The following ITPK1 variants were observed in gnomAD, a reference collection of about 807,000 sequenced individuals.
The protein encoded by ITPK1 is inositol 1,3,4-trisphosphate 5/6-kinase.
In ITPK1, 21 loss-of-function variants were observed where a neutral mutation model predicts 45.3. The observed-to-expected ratio is 0.46, with a 90% CI of 0.33 to 0.67. The LOEUF (loss-of-function observed/expected upper bound fraction) is 0.67. Among genes scored for constraint, ITPK1 ranks in the 30% least tolerant of loss-of-function variants. The probability of loss-of-function intolerance (pLI) is 0.02; values close to 1 mark genes in which losing one functional copy is unlikely to be tolerated. For missense variants in ITPK1, 474 were observed against 573.5 expected, an observed-to-expected ratio of 0.83 and a Z score of 1.77; for synonymous variants, 258 against 253.6, an observed-to-expected ratio of 1.02 and a Z score of -0.16.
At chr14:93,096,943 C>CA (rs1185870248) in intron 2 of ITPK1, among the ~76,000 whole-genome samples, 1 of 152,196 alleles carries the variant, frequency 6.6e-6, no homozygotes, top group Non-Finnish European at 1.5e-5. Flanking sequence ...CCTCTGTAAG[C>CA]AAAAGCCAAG....
At chr14:93,077,609 C>T (rs909218942) in intron 2 of ITPK1, among the ~76,000 whole-genome samples, 3 of 152,186 alleles carry the variant, frequency 2.0e-5, no homozygotes, top group Non-Finnish European at 4.4e-5. Flanking sequence ...CGAGCCACCA[C>T]GTCCAGCCTC....
At position 93,016,781 on chromosome 14, in the gene ITPK1, G is replaced by A. The variant is rs773167369; in HGVS notation, c.141C>T (p.Ile47=). ...EVVQLNLSRP[I]EEQGPLDVII... is the part of the protein sequence containing the mutation. The stretch of plus-strand genomic sequence containing the variant: ...TGACGTCCAGGGGGCCCTGCTCCTC[G>A]ATCGGCCGGCTAAGGTTCAGCTGTG... Residue 47 remains isoleucine (I), a synonymous_variant, in exon 4 of 11, where the codon ATC becomes ATT. Coordinates refer to ENST00000267615, the MANE Select transcript of ITPK1 (RefSeq NM_014216.6). This position sits in a 1 kb window ranked among gnomAD's most constrained non-coding sequence, Gnocchi z 5.0. The A allele has an allele frequency of 3.1e-6, 5 of 1,614,004 alleles. No individual in the cohort carries two copies. Among genetic ancestry groups the A allele is most frequent in the South Asian group, 2.2e-5 (2 of 91,072 alleles).
At chr14:93,011,231 C>T (rs1887887318) in intron 4 of ITPK1, among the ~76,000 whole-genome samples, 1 of 152,212 alleles carries the variant, frequency 6.6e-6, no homozygotes, top group Non-Finnish European at 1.5e-5. Context: ...TTTCAGGCTG[C>T]AAAGCTGTAG....
chr14:93,102,904 T>C (rs1157447216), intron 2 of ITPK1, among the ~76,000 whole-genome samples: 1 of 148,894 alleles, frequency 6.7e-6, no homozygotes, highest in Non-Finnish European at 1.5e-5. Context: ...ATCGAGACCA[T>C]CCTGGCTAAC....
In ITPK1 at chr14:92,952,076, C is replaced by G. The variant is rs878906735; in HGVS notation, c.671-63G>C. The stretch of plus-strand genomic sequence containing the variant: ...CAATGCAGGGACCACACTGCCGCCA[C>G]CTGACACCAGGGGGCAGCATCACCC... On this transcript the variant is annotated intron_variant, in intron 8 of 10. Coordinates refer to ENST00000267615, the MANE Select transcript of ITPK1 (RefSeq NM_014216.6). The G allele has an allele frequency of 2.3e-6, 3 of 1,317,538 alleles. No individual in the cohort carries two copies. In the African/African-American group the frequency reaches 4.4e-5, roughly 19 times the overall value. 81.6% of individuals were successfully genotyped at this position (1,317,538 alleles called of 1,614,324 possible). A position where few individuals can be genotyped will look rare whatever the true frequency, so the allele number is the denominator to read the frequency against.
intron 9 of ITPK1, among the ~76,000 whole-genome samples, chr14:92,946,978 GAGA>G (rs977166653): frequency 9.9e-5 from 15 of 152,230 alleles, no homozygotes; most frequent in African/African-American, 3.4e-4. Flanking sequence ...GGAGGGGTGG[GAGA>G]AGGAGAGCGG....
chr14:92,966,679 C>T (rs1045484101), intron 5 of ITPK1, among the ~76,000 whole-genome samples: 1 of 152,206 alleles, frequency 6.6e-6, no homozygotes, highest in Admixed American at 6.5e-5. Context: ...CTCACACTTC[C>T]TCAATACGAA....
chr14:93,007,335 C>T (rs1887666695), intron 4 of ITPK1, among the ~76,000 whole-genome samples: 1 of 152,166 alleles, frequency 6.6e-6, no homozygotes, highest in African/African-American at 2.4e-5. Context: ...GACATGCCTG[C>T]TGGAGCCCCA....
intron 4 of ITPK1, among the ~76,000 whole-genome samples, chr14:92,996,297 G>A (rs1887052857): frequency 2.0e-5 from 3 of 152,022 alleles, no homozygotes. Context: ...CATCCACTCA[G>A]CTAGAAACCA....
intron 2 of ITPK1, among the ~76,000 whole-genome samples, chr14:93,082,504 C>T (rs1891478120): frequency 6.6e-6 from 1 of 152,208 alleles, no homozygotes; most frequent in South Asian, 2.1e-4. Flanking sequence ...AGAACTCATC[C>T]CACACGGGCT....
chr14:92,944,765 C>G (rs1269757323), intron 10 of ITPK1, among the ~76,000 whole-genome samples: 1 of 152,206 alleles, frequency 6.6e-6, no homozygotes, highest in Admixed American at 6.5e-5. Context: ...TCCCTCATAC[C>G]TGCCAGCAAA....
At chr14:93,109,908 G>C (rs1892676509) in intron 2 of ITPK1, among the ~76,000 whole-genome samples, 1 of 152,188 alleles carries the variant, frequency 6.6e-6, no homozygotes, top group Non-Finnish European at 1.5e-5. Context: ...TGAATAGAGA[G>C]GCATCCATGG....
At position 93,034,506 on chromosome 14, in the gene ITPK1, G is replaced by A. The variant is rs529464235; in HGVS notation, c.121-17705C>T. Reference sequence around the variant, plus strand: ...CTCTCCAAGAATAGAATGGGGAGGCGGGCTCCACCACAGCTGGCCCCCACT... The same window carrying A: ...CTCTCCAAGAATAGAATGGGGAGGCAGGCTCCACCACAGCTGGCCCCCACT... On this transcript the variant is annotated intron_variant, in intron 3 of 10. Coordinates refer to ENST00000267615, the MANE Select transcript of ITPK1 (RefSeq NM_014216.6). This position sits in a 1 kb window ranked among gnomAD's most constrained non-coding sequence, Gnocchi z 4.1. Among the ~76,000 whole-genome samples, 14 of 152,144 alleles carry A rather than the reference G, an allele frequency of 9.2e-5. No homozygotes were observed. The highest frequency in any genetic ancestry group is 2.1e-4 in the South Asian group (1 of 4,830).
At position 92,941,220 on chromosome 14, in the gene ITPK1, A is replaced by G. The variant is rs1042977892; in HGVS notation, c.*341T>C. 2.3e-6 allele frequency: 3 copies of G among 1,297,000 alleles called. No homozygotes were observed. The African/African-American group carries it at 4.5e-5, about 20-fold the overall frequency. 80.3% of individuals were successfully genotyped at this position (1,297,000 alleles called of 1,614,324 possible). On this transcript the variant is annotated 3_prime_UTR_variant, in exon 11 of 11. Coordinates refer to ENST00000267615, the MANE Select transcript of ITPK1 (RefSeq NM_014216.6). ...ACAGTGGCCATGGAGACCAACAGAC[A>G]GGGATGTGCACAGACACTGGCATGG...
intron 2 of ITPK1, among the ~76,000 whole-genome samples, chr14:93,112,272 T>C (rs1566792376): frequency 6.6e-6 from 1 of 152,106 alleles, no homozygotes; most frequent in African/African-American, 2.4e-5. Context: ...CCCCCTCTCT[T>C]GATGGGTTTC....
chr14:92,983,322 T>C (rs1886321369), intron 5 of ITPK1, among the ~76,000 whole-genome samples: 2 of 152,174 alleles, frequency 1.3e-5, no homozygotes, highest in South Asian at 4.1e-4. Context: ...GGCAGCCTTT[T>C]TTACTTTCAA....
chr14:93,010,253 C>T (rs1488085467), intron 4 of ITPK1, among the ~76,000 whole-genome samples: 3 of 152,216 alleles, frequency 2.0e-5, no homozygotes, highest in African/African-American at 4.8e-5. Flanking sequence ...TCTTCCAAGT[C>T]GGACTCGAAC....
chr14:92,955,214 T>C (rs1884634599), intron 8 of ITPK1, among the ~76,000 whole-genome samples: 1 of 152,238 alleles, frequency 6.6e-6, no homozygotes, highest in Non-Finnish European at 1.5e-5. Context: ...CATTTACATA[T>C]CTACAGCTGC....
At chr14:93,058,112 A>C (rs1890286295) in intron 3 of ITPK1, among the ~76,000 whole-genome samples, 1 of 152,044 alleles carries the variant, frequency 6.6e-6, no homozygotes, top group Admixed American at 6.5e-5. Flanking sequence ...GTGAGCACCC[A>C]GCAACAGAAG....
Sources: gnomAD v4.1 joint callset for allele counts (sites outside exome capture counted in the v4.1 genomes callset) on GRCh38, gnomAD v4.1.1 for gene constraint, Gnocchi (gnomAD v3.1) non-coding constraint, MANE v1.5 for transcripts, NCBI Gene and HGNC (gene_info 2026-07-23, HGNC 2026-07-21) for gene names.